Variants in STK3 observed in about 807,000 individuals in gnomAD.
The protein encoded by STK3 is serine/threonine-protein kinase 3.
In STK3, 41 loss-of-function variants were observed where a neutral mutation model predicts 58.0. The observed-to-expected ratio is 0.71, with a 90% CI of 0.55 to 0.92. The LOEUF is 0.92. Among genes scored for constraint, STK3 ranks in the 40% least tolerant of loss-of-function variants. The pLI is 0.00. For synonymous variants in STK3, 170 were observed against 191.0 expected, an observed-to-expected ratio of 0.89 and a Z score of 0.91; for missense variants, 479 against 602.7, an observed-to-expected ratio of 0.79 and a Z score of 2.15.
intron 3 of STK3, among the ~76,000 whole-genome samples, chr8:98,846,343 A>G (rs1464476516): frequency 1.3e-5 from 2 of 152,170 alleles, no homozygotes; most frequent in African/African-American, 4.8e-5. Flanking sequence ...AATAGAGCTG[A>G]CTCTAGAAAC....
At chr8:98,761,663 A>G (rs1407066947) in intron 3 of STK3, among the ~76,000 whole-genome samples, 1 of 152,208 alleles carries the variant, frequency 6.6e-6, no homozygotes, top group African/African-American at 2.4e-5. Context: ...ATATTCTATT[A>G]AAACTGAGCT....
At chr8:98,700,100 C>T (rs904740638) in intron 6 of STK3, among the ~76,000 whole-genome samples, 3 of 152,238 alleles carry the variant, frequency 2.0e-5, no homozygotes, top group Admixed American at 6.5e-5. Context: ...TCGCTGCCGC[C>T]TTGCAGTTTG....
downstream of STK3, among the ~76,000 whole-genome samples, chr8:98,398,442 A>G (rs547104455): frequency 2.0e-5 from 3 of 152,322 alleles, no homozygotes; most frequent in African/African-American, 4.8e-5. Context: ...AGTGGGCATC[A>G]TGATCAAAGA....
chr8:98,769,015 C>T (rs370668359), intron 2 of STK3, among the ~76,000 whole-genome samples: 303 of 152,302 alleles, frequency 2.0e-3, no homozygotes, highest in African/African-American at 6.9e-3. Flanking sequence ...ATGCTGACTT[C>T]GACCTTCAAC....
intron 10 of STK3, among the ~76,000 whole-genome samples, chr8:98,478,111 G>C (rs888398587): frequency 1.3e-5 from 2 of 152,124 alleles, no homozygotes; most frequent in South Asian, 4.1e-4. Flanking sequence ...TGCTCTTTGT[G>C]AACATGACTC....
At chr8:98,851,916 G>A (rs960717439) in intron 3 of STK3, among the ~76,000 whole-genome samples, 3 of 152,108 alleles carry the variant, frequency 2.0e-5, no homozygotes, top group East Asian at 1.9e-4. Context: ...TGAGCCCAGA[G>A]GTTCGAGGCT....
At chr8:98,912,637 A>T (rs1839191658) in intron 1 of STK3, among the ~76,000 whole-genome samples, 1 of 152,170 alleles carries the variant, frequency 6.6e-6, no homozygotes, top group Non-Finnish European at 1.5e-5. Flanking sequence ...AGGGAAGTGG[A>T]GTCCAAGAGG....
chr8:98,654,268 T>C (rs1821266155), intron 6 of STK3, among the ~76,000 whole-genome samples: 1 of 152,148 alleles, frequency 6.6e-6, no homozygotes, highest in South Asian at 2.1e-4. Context: ...AAAAGGCCTT[T>C]GACAAAATTC....
At chr8:98,549,308 C>G (rs1050753484) in intron 8 of STK3, among the ~76,000 whole-genome samples, 1 of 152,144 alleles carries the variant, frequency 6.6e-6, no homozygotes, top group African/African-American at 2.4e-5. Context: ...TCCTAATGAA[C>G]ATGAAGTGTT....
intron 1 of STK3, among the ~76,000 whole-genome samples, chr8:98,785,836 G>GA (rs1164092300): frequency 4.0e-5 from 6 of 151,892 alleles, no homozygotes; most frequent in African/African-American, 1.5e-4. Flanking sequence ...AGGGAAAGAA[G>GA]AAAAAAACAA....
chr8:98,346,345 A>G, the STK3 span, among the ~76,000 whole-genome samples: 3 of 151,894 alleles, frequency 2.0e-5, no homozygotes, highest in East Asian at 5.8e-4. Context: ...ACAGCCTAAT[A>G]TAACTGTCAT....
At chr8:98,699,065 T>C (rs1825282279) in intron 6 of STK3, among the ~76,000 whole-genome samples, 1 of 152,216 alleles carries the variant, frequency 6.6e-6, no homozygotes, top group Non-Finnish European at 1.5e-5. Flanking sequence ...TTCATTTCTT[T>C]TTGTTCTTTT....
downstream of STK3, chr8:98,879,625 A>C (rs1220004589): frequency 6.6e-6 from 1 of 152,192 alleles, no homozygotes; most frequent in African/African-American, 2.4e-5. Flanking sequence ...TGTCAATCCA[A>C]TCAGCCTTAT....
intron 7 of STK3, among the ~76,000 whole-genome samples, chr8:98,591,450 C>G (rs745647081): frequency 2.6e-5 from 4 of 152,298 alleles, no homozygotes; most frequent in Middle Eastern, 3.4e-3. Flanking sequence ...TGGGGTTTAT[C>G]AGGACCTAAC....
chr8:98,876,935 C>T (rs1837579815), intron 3 of STK3, among the ~76,000 whole-genome samples: 1 of 152,198 alleles, frequency 6.6e-6, no homozygotes, highest in South Asian at 2.1e-4. Context: ...GAGTAAACTG[C>T]CAACTCCTTG....
At chr8:98,367,458 G>A (rs541871169), downstream of STK3, among the ~76,000 whole-genome samples, 1 of 152,318 alleles carries the variant, frequency 6.6e-6, no homozygotes, top group African/African-American at 2.4e-5. Flanking sequence ...AAGCTGATGA[G>A]GATAGGAAAC....
intron 8 of STK3, among the ~76,000 whole-genome samples, chr8:98,553,100 A>C (rs992022906): frequency 6.6e-6 from 1 of 152,154 alleles, no homozygotes; most frequent in African/African-American, 2.4e-5. Flanking sequence ...CTCACAGAGG[A>C]GGCTGAACTT....
chr8:98,496,003 T>C (rs1247032845), intron 10 of STK3, among the ~76,000 whole-genome samples: 3 of 152,198 alleles, frequency 2.0e-5, no homozygotes, highest in Non-Finnish European at 4.4e-5. Context: ...AGCCCTTCTC[T>C]GTGTTATCAT....
At chr8:98,917,560 T>C (rs1360111483) in intron 1 of STK3, among the ~76,000 whole-genome samples, 1 of 152,118 alleles carries the variant, frequency 6.6e-6, no homozygotes, top group Non-Finnish European at 1.5e-5. Flanking sequence ...CTCAGAGAGC[T>C]CATTTGCACT....
Sources: gnomAD v4.1 joint callset for allele counts (sites outside exome capture counted in the v4.1 genomes callset) on GRCh38, gnomAD v4.1.1 for gene constraint, MANE v1.5 for transcripts, NCBI Gene and HGNC (gene_info 2026-07-23, HGNC 2026-07-21) for gene names.